The following EFNB3 variants were observed in gnomAD, a reference collection of about 807,000 sequenced individuals.
The protein encoded by EFNB3 is ephrin B3.
EFNB3 carries 14 observed loss-of-function variants against 29.8 expected under a neutral mutation model. The observed-to-expected ratio is 0.47, with a 90% CI of 0.31 to 0.73. The LOEUF (loss-of-function observed/expected upper bound fraction) is 0.73, where lower values mean the gene tolerates loss of function less well. Among genes scored for constraint, EFNB3 ranks in the 30% least tolerant of loss-of-function variants. The pLI, the probability that EFNB3 is intolerant of heterozygous loss-of-function variation, is 0.05. For missense variants in EFNB3, 408 were observed against 458.0 expected, an observed-to-expected ratio of 0.89 and a Z score of 1.00; for synonymous variants, 216 against 191.6, an observed-to-expected ratio of 1.13 and a Z score of -1.05.
chr17:7,708,255 T>G lies in EFNB3; in HGVS notation c.415+5T>G. The stretch of plus-strand genomic sequence containing the variant: ...ACCACGATTACTACATCATTGGTAC[T>G]GCTGGGCAGAGGGCACGATTGAGTG... On this transcript the variant is annotated splice_donor_5th_base_variant and intron_variant, in intron 2 of 4. Coordinates refer to ENST00000226091, the MANE Select transcript of EFNB3 (RefSeq NM_001406.4). This position sits in a 1 kb window ranked among gnomAD's most constrained non-coding sequence, Gnocchi z 6.8. 6.2e-7 allele frequency: 1 copy of G among 1,608,450 alleles called. No individual in the cohort carries two copies. Among genetic ancestry groups the G allele is most frequent in the Admixed American group, 1.7e-5 (1 of 59,986 alleles).
Position 7,710,105 on chromosome 17 carries a change from TC to T in EFNB3, c.*530del. On this transcript the variant is annotated 3_prime_UTR_variant, in exon 5 of 5. Coordinates refer to ENST00000226091, the MANE Select transcript of EFNB3 (RefSeq NM_001406.4). Reference sequence around the variant, plus strand: ...TCCTGGGTGGGGGCATCAAAGCATTTCTCCCCTTAGCTTTCAGCCCCCCTTC... The same window carrying T: ...TCCTGGGTGGGGGCATCAAAGCATTTTCCCCTTAGCTTTCAGCCCCCCTTC... 5.7e-6 allele frequency: 1 copy of T among 176,270 alleles called. No individual in the cohort carries two copies. Among genetic ancestry groups the T allele is most frequent in the South Asian group, 1.2e-4 (1 of 8,108 alleles). 10.9% of individuals were successfully genotyped at this position (176,270 alleles called of 1,614,324 possible). A position where few individuals can be genotyped will look rare whatever the true frequency, so the allele number is the denominator to read the frequency against.
Position 7,705,632 on chromosome 17 carries a change from C to T in EFNB3, c.34C>T (p.Arg12Ter). ...CCCCCATTCTGGGCCGGGGGGCGTG[C>T]GAGTCGGGGCCCTGCTGCTGCTGGG... The part of the protein sequence containing the change: ...GPPHSGPGGV[R>*]VGALLLLGVL... Residue 12 changes from arginine (R) to a stop codon, truncating the protein, a stop_gained, in exon 1 of 5, where the codon CGA (arginine) becomes TGA (stop). Transcript: ENST00000226091. LOFTEE classifies it high-confidence loss of function. This position sits in a 1 kb window ranked among gnomAD's most constrained non-coding sequence, Gnocchi z 5.4. 6.6e-7 allele frequency: 1 copy of T among 1,509,278 alleles called. No individual in the cohort carries two copies. The highest frequency in any genetic ancestry group is 8.7e-7 in the Non-Finnish European group (1 of 1,144,290). 93.5% of individuals were successfully genotyped at this position (1,509,278 alleles called of 1,614,324 possible). A position where few individuals can be genotyped will look rare whatever the true frequency, so the allele number is the denominator to read the frequency against.
At position 7,709,912 on chromosome 17, in the gene EFNB3, C is replaced by A; in HGVS notation, c.*336C>A. On this transcript the variant is annotated 3_prime_UTR_variant, in exon 5 of 5. Transcript: ENST00000226091. The surrounding 1 kb of genome is among the most constrained non-coding windows in gnomAD (Gnocchi z 4.5). ...CACCCAGAGCTAGGGGCGGGAACAG[C>A]CCACCTTTTGGTTGGCACCGCCTTC... is the stretch of plus-strand genomic sequence containing the variant. 2.3e-6 allele frequency: 1 copy of A among 433,482 alleles called. No homozygotes were observed. Among genetic ancestry groups the A allele is most frequent in the African/African-American group, 2.1e-5 (1 of 47,966 alleles). 26.9% of individuals were successfully genotyped at this position (433,482 alleles called of 1,614,324 possible).
At position 7,710,836 on chromosome 17, in the gene EFNB3, ATC is replaced by A. The variant is rs2074347253; in HGVS notation, c.*1264_*1265del. On this transcript the variant is annotated 3_prime_UTR_variant, in exon 5 of 5. Coordinates refer to ENST00000226091, the MANE Select transcript of EFNB3 (RefSeq NM_001406.4). ...TCTTTCCTTTCCATATCCCAGTATAATCTCTGTTAATCAACAGGACTACCCCA... is the reference window on the plus strand; with the variant it reads ...TCTTTCCTTTCCATATCCCAGTATAATCTGTTAATCAACAGGACTACCCCA... 6.6e-6 allele frequency: 1 copy of A among 152,554 alleles called. No individual in the cohort carries two copies. Among genetic ancestry groups the A allele is most frequent in the South Asian group, 2.1e-4 (1 of 4,816 alleles). The allele number at this position is 152,554 out of a possible 1,614,324, so 9.5% of individuals were successfully genotyped here. A position where few individuals can be genotyped will look rare whatever the true frequency, so the allele number is the denominator to read the frequency against.
chr17:7,709,296 C>A lies in EFNB3; in HGVS notation c.743C>A (p.Ala248Asp). ...LLLGVAGAGG[A>D]MCWRRRRAKP... ...CTGGGCGTGGCAGGGGCTGGGGGTG[C>A]CATGTGTTGGCGGAGACGGCGGGCC... The change falls in exon 5 of 5, where the codon GCC becomes GAC. Residue 248 changes from alanine (A) to aspartate (D), a missense_variant. By Grantham distance (126) the Ala-to-Asp change is moderately radical. Around this residue, in one of 3 missense-constraint regions of EFNB3, gnomAD observed 233 missense variants for 230.7 expected, o/e 1.01. Transcript: ENST00000226091. The surrounding 1 kb of genome is among the most constrained non-coding windows in gnomAD (Gnocchi z 4.5). 6.3e-7 allele frequency: 1 copy of A among 1,578,020 alleles called. No individual in the cohort carries two copies.
rs768204236 is a variant in EFNB3 at position 7,708,723 on chromosome 17, G to C, written c.597G>C (p.Gly199=). 3.2e-6 allele frequency: 5 copies of C among 1,566,328 alleles called. No homozygotes were observed. Among genetic ancestry groups the C allele is most frequent in the Non-Finnish European group, 4.3e-6 (5 of 1,154,952 alleles). The change falls in exon 4 of 5, where the codon GGG becomes GGC. Residue 199 remains glycine (G), a synonymous_variant. Coordinates refer to ENST00000226091, the MANE Select transcript of EFNB3 (RefSeq NM_001406.4). The surrounding 1 kb of genome is among the most constrained non-coding windows in gnomAD (Gnocchi z 6.8). ...GGGCAGCCCACAGCCTGGAGCCTGG[G>C]AAGGAGAACCTGCCAGGTAGGAACC... is the stretch of plus-strand genomic sequence containing the variant. ...DRGAAHSLEP[G]KENLPGDPTS...
In EFNB3 at chr17:7,705,811, A is replaced by C. The variant is rs1488109685; in HGVS notation, c.122+91A>C. 1.4e-6 allele frequency: 2 copies of C among 1,430,396 alleles called. No individual in the cohort carries two copies. The highest frequency in any genetic ancestry group is 3.0e-5 in the African/African-American group (2 of 65,826). The allele number at this position is 1,430,396 out of a possible 1,614,324, so 88.6% of individuals were successfully genotyped here. On this transcript the variant is annotated intron_variant, in intron 1 of 4. Transcript: ENST00000226091. This position sits in a 1 kb window ranked among gnomAD's most constrained non-coding sequence, Gnocchi z 5.4. ...TGGAGGCGGGCTTCTGTGGGCAGGG[A>C]GGAGGCGGGAGGGAAGGTGCTGGTG...
Position 7,709,021 on chromosome 17 carries a change from T to A in EFNB3, c.614-146T>A. 1.2e-6 allele frequency: 1 copy of A among 830,988 alleles called. No individual in the cohort carries two copies. The highest frequency in any genetic ancestry group is 1.9e-6 in the Non-Finnish European group (1 of 531,882). The allele number at this position is 830,988 out of a possible 1,614,324, so 51.5% of individuals were successfully genotyped here. A position where few individuals can be genotyped will look rare whatever the true frequency, so the allele number is the denominator to read the frequency against. On this transcript the variant is annotated intron_variant, in intron 4 of 4. Coordinates refer to ENST00000226091, the MANE Select transcript of EFNB3 (RefSeq NM_001406.4). The surrounding 1 kb of genome is among the most constrained non-coding windows in gnomAD (Gnocchi z 4.5). ...CTGGACACCTGGATTCTGAGCAGAGTTCGGAGGGGGAGGAGAGATGGGGTC... is the reference window on the plus strand; with the variant it reads ...CTGGACACCTGGATTCTGAGCAGAGATCGGAGGGGGAGGAGAGATGGGGTC...
chr17:7,707,739 G>GGGC (rs1338655679), intron 1 of EFNB3, among the ~76,000 whole-genome samples: 1 of 152,166 alleles, frequency 6.6e-6, no homozygotes, highest in Non-Finnish European at 1.5e-5. Flanking sequence ...GCACACCAAG[G>GGGC]GGCAGGAGAC....
Position 7,708,135 on chromosome 17 carries a change from CCTT to C in EFNB3, c.303_305del (p.Leu102del). On this transcript the variant is annotated inframe_deletion, in exon 2 of 5. Transcript: ENST00000226091. This position sits in a 1 kb window ranked among gnomAD's most constrained non-coding sequence, Gnocchi z 6.8. ...GTGAGGCACCCCCTGCCCCAAACCT[CCTT>C]CTCACTTGTGATCGCCCAGACCTGG... is the stretch of plus-strand genomic sequence containing the variant. 1 of 1,614,142 alleles carries C rather than the reference CCTT, an allele frequency of 6.2e-7. No homozygotes were observed.
Position 7,708,227 on chromosome 17 carries a change from C to G in EFNB3, c.392C>G (p.Ser131Trp). 1.2e-6 allele frequency: 2 copies of G among 1,609,994 alleles called. No individual in the cohort carries two copies. Among genetic ancestry groups the G allele is most frequent in the Non-Finnish European group, 1.7e-6 (2 of 1,179,986 alleles). The change falls in exon 2 of 5, where the codon TCG (serine) becomes TGG (tryptophan). Residue 131 changes from serine (S) to tryptophan (W), a missense_variant. Transcript: ENST00000226091. The surrounding 1 kb of genome is among the most constrained non-coding windows in gnomAD (Gnocchi z 6.8). ...SPNLWGHEFR[S>W]HHDYYIIATS... is the part of the protein sequence containing the mutation. ...AATCTCTGGGGCCACGAGTTCCGCTCGCACCACGATTACTACATCATTGGT... is the reference window on the plus strand; with the variant it reads ...AATCTCTGGGGCCACGAGTTCCGCTGGCACCACGATTACTACATCATTGGT...
At chr17:7,707,792 A>G (rs909536576) in intron 1 of EFNB3, among the ~76,000 whole-genome samples, 166 bp from the exon 2 acceptor site, 1 of 152,204 alleles carries the variant, frequency 6.6e-6, no homozygotes, top group Non-Finnish European at 1.5e-5. Context: ...GAATGCACAG[A>G]GTCCTTGGTG....
Position 7,705,771 on chromosome 17 carries a change from G to T in EFNB3, c.122+51G>T. On this transcript the variant is annotated intron_variant, in intron 1 of 4. Coordinates refer to ENST00000226091, the MANE Select transcript of EFNB3 (RefSeq NM_001406.4). The surrounding 1 kb of genome is among the most constrained non-coding windows in gnomAD (Gnocchi z 5.4). ...CCCAGACCCTAGGGCAGTGGGTAGG[G>T]AAGCTCTGGGGGCTTGGAGGCGGGC... The T allele has an allele frequency of 2.0e-6, 3 of 1,517,552 alleles. No homozygotes were observed. The highest frequency in any genetic ancestry group is 2.6e-6 in the Non-Finnish European group (3 of 1,148,672). The allele number at this position is 1,517,552 out of a possible 1,614,324, so 94.0% of individuals were successfully genotyped here. A position where few individuals can be genotyped will look rare whatever the true frequency, so the allele number is the denominator to read the frequency against.
In EFNB3 at chr17:7,705,744, A is replaced by G; in HGVS notation, c.122+24A>G. 1.3e-6 allele frequency: 2 copies of G among 1,551,064 alleles called. No homozygotes were observed. The highest frequency in any genetic ancestry group is 8.6e-7 in the Non-Finnish European group (1 of 1,157,802). Reference sequence around the variant, plus strand: ...AGGTGAGTGGCCTGCGGCTGGGGAGATCCCAGACCCTAGGGCAGTGGGTAG... The same window carrying G: ...AGGTGAGTGGCCTGCGGCTGGGGAGGTCCCAGACCCTAGGGCAGTGGGTAG... On this transcript the variant is annotated intron_variant, in intron 1 of 4. Transcript: ENST00000226091. This position sits in a 1 kb window ranked among gnomAD's most constrained non-coding sequence, Gnocchi z 5.4.
chr17:7,708,870 G>A lies in EFNB3; in HGVS notation c.613+131G>A, dbSNP rs1009189185. The A allele has an allele frequency of 5.3e-6, 4 of 761,674 alleles. No individual in the cohort carries two copies. Among genetic ancestry groups the A allele is most frequent in the Non-Finnish European group, 8.5e-6 (4 of 473,194 alleles). 47.2% of individuals were successfully genotyped at this position (761,674 alleles called of 1,614,324 possible). A position where few individuals can be genotyped will look rare whatever the true frequency, so the allele number is the denominator to read the frequency against. The stretch of plus-strand genomic sequence containing the variant: ...TACAGGAAAGAGGAGAAGAGAGGAT[G>A]GGAGGGTGGGAGGGGAATGGAAACC... On this transcript the variant is annotated intron_variant, in intron 4 of 4. Coordinates refer to ENST00000226091, the MANE Select transcript of EFNB3 (RefSeq NM_001406.4). This position sits in a 1 kb window ranked among gnomAD's most constrained non-coding sequence, Gnocchi z 6.8.
In EFNB3 at chr17:7,709,662, C is replaced by T; in HGVS notation, c.*86C>T. ...TTCCTGGTTTGAGGGACACCTCTAA[C>T]ATCTCGGCCCCCTGTGCCCCCCCAG... On this transcript the variant is annotated 3_prime_UTR_variant, in exon 5 of 5. Transcript: ENST00000226091. The surrounding 1 kb of genome is among the most constrained non-coding windows in gnomAD (Gnocchi z 4.5). 6.8e-7 allele frequency: 1 copy of T among 1,481,060 alleles called. No homozygotes were observed. Among genetic ancestry groups the T allele is most frequent in the Non-Finnish European group, 9.3e-7 (1 of 1,076,492 alleles). The allele number at this position is 1,481,060 out of a possible 1,614,324, so 91.7% of individuals were successfully genotyped here. A position where few individuals can be genotyped will look rare whatever the true frequency, so the allele number is the denominator to read the frequency against.
At chr17:7,706,702 G>A (rs1245432526) in intron 1 of EFNB3, among the ~76,000 whole-genome samples, 1 of 152,202 alleles carries the variant, frequency 6.6e-6, no homozygotes, top group East Asian at 1.9e-4. Flanking sequence ...GCTTTCAGCT[G>A]TGTGGCCTTG....
Position 7,709,502 on chromosome 17 carries a change from G to A in EFNB3, c.949G>A (p.Asp317Asn), listed in dbSNP as rs753413666. 2 of 1,613,812 alleles carry A rather than the reference G, an allele frequency of 1.2e-6. No homozygotes were observed. Among genetic ancestry groups the A allele is most frequent in the African/African-American group, 1.3e-5 (1 of 74,856 alleles). ...CCCCCACTATGAGAAGGTGAGTGGTGACTATGGGCATCCTGTGTATATCGT... is the reference window on the plus strand; with the variant it reads ...CCCCCACTATGAGAAGGTGAGTGGTAACTATGGGCATCCTGTGTATATCGT... ...FCPHYEKVSGDYGHPVYIVQD... is the reference protein window; with the variant it reads ...FCPHYEKVSGNYGHPVYIVQD... The change falls in exon 5 of 5, where the codon GAC becomes AAC. Residue 317 changes from aspartate (D) to asparagine (N), a missense_variant. By Grantham distance (23) the Asp-to-Asn change is conservative. Around this residue, in one of 3 missense-constraint regions of EFNB3, gnomAD observed 233 missense variants for 230.7 expected, o/e 1.01. Transcript: ENST00000226091. This position sits in a 1 kb window ranked among gnomAD's most constrained non-coding sequence, Gnocchi z 4.5.
Position 7,709,638 on chromosome 17 carries a change from TC to T in EFNB3, c.*64del. ...TCTTGGGGTGCTCCTCCAGTTTAAT[TC>T]CTGGTTTGAGGGACACCTCTAACAT... On this transcript the variant is annotated 3_prime_UTR_variant, in exon 5 of 5. Transcript: ENST00000226091. This position sits in a 1 kb window ranked among gnomAD's most constrained non-coding sequence, Gnocchi z 4.5. 1 of 1,603,286 alleles carries T rather than the reference TC, an allele frequency of 6.2e-7. No individual in the cohort carries two copies. The highest frequency in any genetic ancestry group is 8.5e-7 in the Non-Finnish European group (1 of 1,174,030).
Sources: gnomAD v4.1 joint callset for allele counts (sites outside exome capture counted in the v4.1 genomes callset) on GRCh38, gnomAD v4.1.1 for gene constraint, gnomAD v4.1.1 regional missense constraint, Gnocchi (gnomAD v3.1) non-coding constraint, MANE v1.5 for transcripts, NCBI Gene and HGNC (gene_info 2026-07-23, HGNC 2026-07-21) for gene names.